Variants in MYO5B observed in about 807,000 individuals in gnomAD.
MYO5B encodes the protein unconventional myosin-Vb.
A neutral mutation model predicts 229.3 loss-of-function variants in MYO5B; 143 were observed. The observed-to-expected ratio is 0.62, with a 90% CI of 0.54 to 0.72. The LOEUF (loss-of-function observed/expected upper bound fraction) is 0.72, where lower values mean the gene tolerates loss of function less well. MYO5B is among the 30% of genes least tolerant of loss of function. The pLI is 0.00. For synonymous variants in MYO5B, 918 were observed against 885.2 expected, an observed-to-expected ratio of 1.04 and a Z score of -0.66; for missense variants, 2,321 against 2,331.0, an observed-to-expected ratio of 1.00 and a Z score of 0.09.
chr18:50,034,675 C>T (rs981583131), intron 4 of MYO5B, among the ~76,000 whole-genome samples: 2 of 151,962 alleles, frequency 1.3e-5, no homozygotes, highest in South Asian at 2.1e-4. Context: ...ACCTGGGGGG[C>T]GGAGGTTGCA....
At chr18:50,004,964 A>C (rs939316492) in intron 4 of MYO5B, among the ~76,000 whole-genome samples, 1 of 152,198 alleles carries the variant, frequency 6.6e-6, no homozygotes, top group African/African-American at 2.4e-5. Context: ...GACTTTGGAC[A>C]AAGTAGTTAA....
intron 21 of MYO5B, among the ~76,000 whole-genome samples, chr18:49,896,562 G>T (rs182550399): frequency 2.6e-5 from 4 of 152,142 alleles, no homozygotes; most frequent in Non-Finnish European, 4.4e-5. Flanking sequence ...TGGCCCAGCT[G>T]CTCTCTCTAG....
chr18:49,964,712 G>C (rs2025602485), intron 10 of MYO5B, among the ~76,000 whole-genome samples: 1 of 152,198 alleles, frequency 6.6e-6, no homozygotes, highest in Non-Finnish European at 1.5e-5. Flanking sequence ...TTCGTGAATT[G>C]TCTGATGCTT....
intron 14 of MYO5B, among the ~76,000 whole-genome samples, chr18:49,938,527 T>C (rs944969627): frequency 6.6e-6 from 1 of 152,126 alleles, no homozygotes; most frequent in Non-Finnish European, 1.5e-5. Context: ...GAAGAGAGGC[T>C]AAATGCTACA....
chr18:49,843,227 C>G lies in MYO5B; in HGVS notation c.4611+14G>C. 6.2e-7 allele frequency: 1 copy of G among 1,613,534 alleles called. No individual in the cohort carries two copies. Among genetic ancestry groups the G allele is most frequent in the Non-Finnish European group, 8.5e-7 (1 of 1,180,004 alleles). ...ACCCACCACAAACCATGACCTTCTG[C>G]AGGGGCTGCTTACTTTCAGGACTTT... On this transcript the variant is annotated intron_variant, in intron 34 of 39. Coordinates refer to ENST00000285039, the MANE Select transcript of MYO5B (RefSeq NM_001080467.3).
At chr18:50,176,927 A>G (rs1205977070) in intron 1 of MYO5B, among the ~76,000 whole-genome samples, 5 of 152,234 alleles carry the variant, frequency 3.3e-5, no homozygotes, top group African/African-American at 1.2e-4. Context: ...TTATGGTTAC[A>G]TCTGAAGTCG....
At chr18:50,127,827 C>T (rs2032190669) in intron 1 of MYO5B, among the ~76,000 whole-genome samples, 1 of 152,174 alleles carries the variant, frequency 6.6e-6, no homozygotes, top group Non-Finnish European at 1.5e-5. Flanking sequence ...GGTTGCCCTC[C>T]CCACTGCGGG....
At chr18:49,972,611 C>T (rs1185665779) in intron 10 of MYO5B, among the ~76,000 whole-genome samples, 1 of 152,178 alleles carries the variant, frequency 6.6e-6, no homozygotes, top group Non-Finnish European at 1.5e-5. Context: ...GCTTGGGTTT[C>T]CCCAGGTCTT....
At chr18:50,097,147 A>C (rs2031567048) in intron 1 of MYO5B, 1 of 439,452 alleles carries the variant, frequency 2.3e-6, no homozygotes, top group Non-Finnish European at 4.7e-6. Context: ...AAATCCTCCC[A>C]GTCTTTCATT....
At chr18:49,979,524 C>T (rs2025791788) in intron 9 of MYO5B, among the ~76,000 whole-genome samples, 2 of 152,208 alleles carry the variant, frequency 1.3e-5, no homozygotes, top group African/African-American at 4.8e-5. Context: ...TCTCATAACC[C>T]CCAACTCTAG....
chr18:49,897,544 A>G (rs770007041), intron 21 of MYO5B, among the ~76,000 whole-genome samples: 1 of 152,262 alleles, frequency 6.6e-6, no homozygotes, highest in Non-Finnish European at 1.5e-5. Context: ...TAAGCACATC[A>G]TGAAGAATGG....
chr18:49,978,068 C>G (rs1395844728), intron 9 of MYO5B, among the ~76,000 whole-genome samples: 1 of 152,184 alleles, frequency 6.6e-6, no homozygotes, highest in Non-Finnish European at 1.5e-5. Flanking sequence ...GACCACAAAC[C>G]TGCACTCAAA....
At chr18:50,125,379 G>A (rs1421700742) in intron 1 of MYO5B, among the ~76,000 whole-genome samples, 1 of 130,226 alleles carries the variant, frequency 7.7e-6, no homozygotes, top group Non-Finnish European at 1.6e-5. Context: ...TGTGGGGTGG[G>A]GGGAGGGGGA....
chr18:49,829,262 A>T (rs575664536), intron 39 of MYO5B, among the ~76,000 whole-genome samples: 1 of 152,178 alleles, frequency 6.6e-6, no homozygotes, highest in Non-Finnish European at 1.5e-5. Flanking sequence ...CAAATCAGAA[A>T]TGAAAGTGAG....
intron 1 of MYO5B, among the ~76,000 whole-genome samples, chr18:50,185,932 A>G (rs1023262863): frequency 1.2e-4 from 18 of 152,238 alleles, no homozygotes; most frequent in African/African-American, 4.3e-4. Context: ...TTTTGAGTAC[A>G]TATTGTGCAT....
intron 10 of MYO5B, among the ~76,000 whole-genome samples, chr18:49,973,202 C>G (rs974561181): frequency 6.6e-6 from 1 of 152,186 alleles, no homozygotes; most frequent in African/African-American, 2.4e-5. Context: ...CTTCCTGAGG[C>G]CTTTGTGATG....
chr18:50,123,222 A>T (rs573987510), intron 1 of MYO5B, among the ~76,000 whole-genome samples: 13 of 152,224 alleles, frequency 8.5e-5, no homozygotes, highest in Non-Finnish European at 1.3e-4. Flanking sequence ...TTAATATGAA[A>T]TATCCAGAAT....
intron 26 of MYO5B, among the ~76,000 whole-genome samples, chr18:49,874,941 T>C (rs2024499922): frequency 6.6e-6 from 1 of 152,236 alleles, no homozygotes; most frequent in Non-Finnish European, 1.5e-5. Context: ...CTACCAATGT[T>C]ATTTTTTACT....
intron 1 of MYO5B, among the ~76,000 whole-genome samples, chr18:50,058,924 C>T (rs1251362418): frequency 2.6e-5 from 4 of 152,198 alleles, no homozygotes; most frequent in South Asian, 2.1e-4. Context: ...CTACCTTACT[C>T]GTCCATGTGG....
Sources: gnomAD v4.1 joint callset for allele counts (sites outside exome capture counted in the v4.1 genomes callset) on GRCh38, gnomAD v4.1.1 for gene constraint, MANE v1.5 for transcripts, NCBI Gene and HGNC (gene_info 2026-07-23, HGNC 2026-07-21) for gene names.